MYH7B: variants seen among roughly 807,000 people sequenced by gnomAD.
The protein encoded by MYH7B is myosin heavy chain 7B.
Under a neutral mutation model 234.5 loss-of-function variants are expected in MYH7B, and 205 were observed. That is an observed-to-expected ratio of 0.87 (90% CI 0.78 to 0.98). The LOEUF is 0.98. Among genes scored for constraint, MYH7B ranks in the 50% least tolerant of loss-of-function variants. The probability of loss-of-function intolerance (pLI) is 0.00; values close to 1 mark genes in which losing one functional copy is unlikely to be tolerated. For synonymous variants in MYH7B, 1,193 were observed against 1,105.0 expected (o/e 1.08, Z -1.58); for missense variants, 2,652 against 2,633.4 (o/e 1.01, Z -0.15).
rs369580254 is a variant in MYH7B at position 34,996,411 on chromosome 20, G to A, written c.3009G>A (p.Lys1003=). Residue 1003 remains lysine (K), a synonymous_variant, in exon 29 of 45, where the codon AAG becomes AAA. Coordinates refer to ENST00000262873, the Ensembl canonical transcript of MYH7B. ...CAGTGGCCCGGCTGACCAAGGAGAA[G>A]AAGGCGTTGCAGGAGGCCCACCAAC... 179 of 1,613,124 alleles carry A rather than the reference G, an allele frequency of 1.1e-4. 3 individuals carry two copies. In the South Asian group the frequency reaches 1.3e-3, roughly 12 times the overall value.
At chr20:34,987,459 C>T in intron 16 of MYH7B, 98 bp from the exon 17 acceptor site, 2 of 1,410,216 alleles carry the variant, frequency 1.4e-6, no homozygotes, top group Non-Finnish European at 2.0e-6. Flanking sequence ...GAACTTGACC[C>T]CTCTTAACTT....
At chr20:34,996,745 GAGA>G in exon 30 of MYH7B, 1 of 1,611,966 alleles carries the variant, frequency 6.2e-7, no homozygotes, top group Non-Finnish European at 8.5e-7. Flanking sequence ...GCAGCTGGAG[GAGA>G]AGCTCAAGAA....
At chr20:34,999,686 G>C in exon 37 of MYH7B, 1 of 1,613,472 alleles carries the variant, frequency 6.2e-7, no homozygotes, top group South Asian at 1.1e-5. Flanking sequence ...CTGCACTGGA[G>C]GAGGCAGAGG....
rs761293538 is a variant in MYH7B, at chr20:34,990,370, C to T, written c.1977+60C>T. 16 of 1,581,570 alleles carry T rather than the reference C, an allele frequency of 1.0e-5. No individual in the cohort carries two copies. The South Asian group carries it at 1.3e-4, about 13-fold the overall frequency. On this transcript the variant is annotated intron_variant, in intron 22 of 44. Coordinates refer to ENST00000262873, the Ensembl canonical transcript of MYH7B. ...TGGCAGCCTCCAGCCCCGTCCTTCA[C>T]CCCCTGCCCTGTCCCCTGTGCCTTG...
At chr20:34,997,598 G>A (rs1569060369) in exon 32 of MYH7B, 1 of 1,613,640 alleles carries the variant, frequency 6.2e-7, no homozygotes, top group East Asian at 2.2e-5. Context: ...GCATGGAGGT[G>A]GACGACCTGG....
At chr20:34,999,177 G>C (rs775297571) in exon 36 of MYH7B, 1 of 1,613,694 alleles carries the variant, frequency 6.2e-7, no homozygotes, top group African/African-American at 1.3e-5. Context: ...TGTAACCCTG[G>C]AGCTGGAGCG....
At chr20:34,995,862 G>A (rs1162408068) in intron 28 of MYH7B, among the ~76,000 whole-genome samples, 1 of 152,252 alleles carries the variant, frequency 6.6e-6, no homozygotes, top group Non-Finnish European at 1.5e-5. Context: ...CATCCATCCC[G>A]GAGTGCAAGC....
chr20:34,991,292 G>A (rs1158735717), intron 24 of MYH7B, among the ~76,000 whole-genome samples, 171 bp downstream of exon 24: 4 of 152,200 alleles, frequency 2.6e-5, no homozygotes, highest in African/African-American at 2.4e-5. Context: ...AGACCTGGCC[G>A]GGGACTTGGG....
intron 2 of MYH7B, among the ~76,000 whole-genome samples, chr20:34,970,859 A>C (rs1292310490): frequency 6.6e-6 from 1 of 152,170 alleles, no homozygotes; most frequent in Non-Finnish European, 1.5e-5. Context: ...GACCCTTGAG[A>C]GATACGATGG....
intron 2 of MYH7B, among the ~76,000 whole-genome samples, chr20:34,969,049 C>T (rs1376116354): frequency 6.6e-6 from 1 of 152,198 alleles, no homozygotes; most frequent in African/African-American, 2.4e-5. Context: ...CCTCCTGCTG[C>T]TTGGCCTGGA....
At chr20:34,987,038 C>G in intron 15 of MYH7B, 49 bp downstream of exon 15, 2 of 1,608,726 alleles carry the variant, frequency 1.2e-6, no homozygotes, top group Non-Finnish European at 1.7e-6. Flanking sequence ...GTGGTGGAAT[C>G]GGGCAGCACT....
chr20:34,988,613 G>C (rs1432702159), intron 19 of MYH7B, among the ~76,000 whole-genome samples: 3 of 152,086 alleles, frequency 2.0e-5, no homozygotes, highest in African/African-American at 7.2e-5. Flanking sequence ...TGGATCCCTA[G>C]AACTGCCCTG....
At chr20:34,959,983 C>T (rs1449642451) in intron 2 of MYH7B, among the ~76,000 whole-genome samples, 1 of 152,168 alleles carries the variant, frequency 6.6e-6, no homozygotes, top group Non-Finnish European at 1.5e-5. Context: ...TGCCAAAGAT[C>T]ACAGCAGCAG....
chr20:34,995,037 C>G (rs1383560686), intron 27 of MYH7B, among the ~76,000 whole-genome samples: 2 of 152,226 alleles, frequency 1.3e-5, no homozygotes, highest in East Asian at 3.9e-4. Flanking sequence ...TCACCCTGCC[C>G]CTCGGAAGGC....
rs2082355555 is a variant in MYH7B at position 35,000,699 on chromosome 20, G to A, written c.5178+10G>A. ...CCTTCTGCATTCGCAGGTGGGGACA[G>A]GAGTCCCTGGGGACAGAGCAGGTGC... On this transcript the variant is annotated intron_variant, in intron 39 of 44. Transcript: ENST00000262873. 4 of 1,597,716 alleles carry A rather than the reference G, an allele frequency of 2.5e-6. No homozygotes were observed. The highest frequency in any genetic ancestry group is 2.7e-5 in the African/African-American group (2 of 74,794).
chr20:35,000,561 C>G, exon 39 of MYH7B: 1 of 1,574,008 alleles, frequency 6.4e-7, no homozygotes, highest in Non-Finnish European at 8.6e-7. Context: ...TCTGGAGCGC[C>G]GGGCCTCGCT....
rs369498055 is a variant in MYH7B at position 34,994,807 on chromosome 20, G to A, written c.2700+406G>A. 5.3e-5 allele frequency among the ~76,000 whole-genome samples: 8 copies of A among 152,252 alleles called. No homozygotes were observed. The East Asian group carries it at 1.2e-3, about 22-fold the overall frequency. On this transcript the variant is annotated intron_variant, in intron 27 of 44. Coordinates refer to ENST00000262873, the Ensembl canonical transcript of MYH7B. Reference sequence around the variant, plus strand: ...CCACAGAGCAAGCTTTCCTGCCTTCGGCACATGGCTTTGTGTATCAATTGT... The same window carrying A: ...CCACAGAGCAAGCTTTCCTGCCTTCAGCACATGGCTTTGTGTATCAATTGT...
At position 34,997,508 on chromosome 20, in the gene MYH7B, G is replaced by GC. The variant is rs746763156; in HGVS notation, c.3615_3616insC (p.Gly1206ArgfsTer25). On this transcript the variant is annotated frameshift_variant, in exon 32 of 45. Transcript: ENST00000262873. LOFTEE classifies it high-confidence loss of function. ...CGGCACTGCGGCGCAAGCAGGCGGA[G>GC]GGCGCGGCGGAGCTGGGGGAGCAGG... 1 of 1,589,122 alleles carries GC rather than the reference G, an allele frequency of 6.3e-7. No homozygotes were observed. The highest frequency in any genetic ancestry group is 8.6e-7 in the Non-Finnish European group (1 of 1,168,846).
At chr20:34,980,411 T>A in intron 7 of MYH7B, 167 bp from the exon 8 acceptor site, 1 of 637,420 alleles carries the variant, frequency 1.6e-6, no homozygotes, top group Non-Finnish European at 2.8e-6. Context: ...TAGCCGGTCG[T>A]GGTGGCACGC....
Sources: gnomAD v4.1 joint callset for allele counts (sites outside exome capture counted in the v4.1 genomes callset) on GRCh38, gnomAD v4.1.1 for gene constraint, MANE v1.5 for transcripts, NCBI Gene and HGNC (gene_info 2026-07-23, HGNC 2026-07-21) for gene names.